TSHZ2: variants seen among roughly 807,000 people sequenced by gnomAD.
TSHZ2 encodes the protein teashirt zinc finger homeobox 2.
In TSHZ2, 21 loss-of-function variants were observed where a neutral mutation model predicts 74.4. The observed-to-expected ratio is 0.28, with a 90% CI of 0.20 to 0.41. The LOEUF is 0.41. TSHZ2 is among the 10% of genes least tolerant of loss of function. The pLI is 1.00. For synonymous variants in TSHZ2, 540 were observed against 515.3 expected, an observed-to-expected ratio of 1.05 and a Z score of -0.65; for missense variants, 1,244 against 1,293.5, an observed-to-expected ratio of 0.96 and a Z score of 0.59.
intron 2 of TSHZ2, among the ~76,000 whole-genome samples, chr20:53,482,372 A>G (rs1184387276): frequency 6.6e-6 from 1 of 152,188 alleles, no homozygotes; most frequent in Non-Finnish European, 1.5e-5. Context: ...AAGGTGAAGC[A>G]ATGTCACATT....
chr20:53,138,390 A>AG (rs1987302867), intron 1 of TSHZ2, among the ~76,000 whole-genome samples: 1 of 147,592 alleles, frequency 6.8e-6, no homozygotes, highest in East Asian at 2.1e-4. Flanking sequence ...GTCTCAAAAA[A>AG]GAAAAAAAAA....
chr20:53,127,841 T>A (rs184240810), intron 1 of TSHZ2, among the ~76,000 whole-genome samples: 2 of 152,272 alleles, frequency 1.3e-5, no homozygotes, highest in East Asian at 1.9e-4. Context: ...GGCAGAGGCA[T>A]GATTTGAACC....
chr20:53,100,552 C>CAG (rs367647251), intron 1 of TSHZ2, among the ~76,000 whole-genome samples: 1 of 151,964 alleles, frequency 6.6e-6, no homozygotes, highest in Non-Finnish European at 1.5e-5. Context: ...TGAAGGTATG[C>CAG]AGAGAGAGAG....
intron 2 of TSHZ2, among the ~76,000 whole-genome samples, chr20:53,469,098 T>C (rs1362432535): frequency 7.3e-6 from 1 of 137,550 alleles, no homozygotes; most frequent in Non-Finnish European, 1.6e-5. Context: ...CATATTCTAA[T>C]TGAATGTTAG....
intron 1 of TSHZ2, among the ~76,000 whole-genome samples, chr20:53,030,180 A>G (rs1983584974): frequency 6.6e-6 from 1 of 152,122 alleles, no homozygotes; most frequent in South Asian, 2.1e-4. Context: ...TACCAGAGCT[A>G]AGATTTGAAC....
At chr20:53,337,871 G>A (rs898391591) in intron 2 of TSHZ2, among the ~76,000 whole-genome samples, 12 of 152,208 alleles carry the variant, frequency 7.9e-5, no homozygotes, top group African/African-American at 2.9e-4. Context: ...GTACGCTAGA[G>A]CAGACATTGG....
chr20:53,378,737 G>T (rs1600592179), intron 2 of TSHZ2, among the ~76,000 whole-genome samples: 1 of 151,974 alleles, frequency 6.6e-6, no homozygotes, highest in South Asian at 2.1e-4. Flanking sequence ...AAAACTTATT[G>T]TAATATGTCT....
intron 1 of TSHZ2, among the ~76,000 whole-genome samples, chr20:52,979,722 C>T (rs1298018915): frequency 6.6e-6 from 1 of 152,076 alleles, no homozygotes; most frequent in Non-Finnish European, 1.5e-5. Flanking sequence ...CTCTGGGCAC[C>T]CTCAAATATT....
At chr20:53,013,069 C>T (rs538888849) in intron 1 of TSHZ2, among the ~76,000 whole-genome samples, 1 of 152,210 alleles carries the variant, frequency 6.6e-6, no homozygotes, top group East Asian at 1.9e-4. Context: ...ATATTTTCTT[C>T]TTGTTTTCTT....
At chr20:52,998,523 C>G (rs1274374773) in intron 1 of TSHZ2, among the ~76,000 whole-genome samples, 1 of 152,148 alleles carries the variant, frequency 6.6e-6, no homozygotes, top group African/African-American at 2.4e-5. Flanking sequence ...CATATATTAG[C>G]CCAAGGGTTA....
At chr20:53,121,630 C>A (rs1445931192) in intron 1 of TSHZ2, among the ~76,000 whole-genome samples, 1 of 152,194 alleles carries the variant, frequency 6.6e-6, no homozygotes, top group East Asian at 1.9e-4. Flanking sequence ...AGCCAAAAAT[C>A]TGGATGTCTT....
chr20:53,188,939 T>C (rs1365578735), intron 1 of TSHZ2, among the ~76,000 whole-genome samples: 2 of 152,186 alleles, frequency 1.3e-5, no homozygotes, highest in African/African-American at 2.4e-5. Context: ...GGAAATATGA[T>C]TATCCCCATT....
At position 53,256,330 on chromosome 20, in the gene TSHZ2, C is replaced by A. The variant is rs61760185; in HGVS notation, c.2872C>A (p.Arg958Ser). The stretch of plus-strand genomic sequence containing the variant: ...GGGTTTCCAAATGAAGGACATGACC[C>A]GCTTGTCAGTGGACCAGCAAAGCAA... ...HLGFQMKDMT[R>S]LSVDQQSKVE... is the part of the protein sequence containing the mutation. The change falls in exon 2 of 3, where the codon CGC becomes AGC. Residue 958 changes from arginine to serine, a missense_variant. Physicochemically the swap from Arg to Ser is moderately radical, Grantham distance 110 (BLOSUM62 -1). Around this residue, in one of 6 missense-constraint regions of TSHZ2, gnomAD observed 185 missense variants for 213.3 expected, o/e 0.87. Coordinates refer to ENST00000371497, the MANE Select transcript of TSHZ2 (RefSeq NM_173485.6). This position sits in a 1 kb window ranked among gnomAD's most constrained non-coding sequence, Gnocchi z 4.3. 2.7e-3 allele frequency: 4,389 copies of A among 1,613,734 alleles called. 10 individuals carry two copies. The highest frequency in any genetic ancestry group is 3.4e-3 in the Non-Finnish European group (4,014 of 1,179,710).
chr20:53,186,104 T>C (rs1341435190), intron 1 of TSHZ2, among the ~76,000 whole-genome samples: 2 of 152,218 alleles, frequency 1.3e-5, no homozygotes, highest in Admixed American at 1.3e-4. Flanking sequence ...TCTTATTAAC[T>C]TGATTCATAT....
At chr20:53,129,261 C>T (rs1987034008) in intron 1 of TSHZ2, among the ~76,000 whole-genome samples, 1 of 152,074 alleles carries the variant, frequency 6.6e-6, no homozygotes, top group Non-Finnish European at 1.5e-5. Context: ...CAAAGCTCTA[C>T]TCTTTATTAT....
chr20:53,306,224 C>G (rs991310899), intron 2 of TSHZ2, among the ~76,000 whole-genome samples: 1 of 152,152 alleles, frequency 6.6e-6, no homozygotes. Context: ...AGAGCCACCA[C>G]CCAGCTCATC....
intron 2 of TSHZ2, among the ~76,000 whole-genome samples, chr20:53,280,055 T>A (rs942110188): frequency 1.3e-5 from 2 of 152,168 alleles, no homozygotes; most frequent in African/African-American, 4.8e-5. Flanking sequence ...TCTGAATACA[T>A]TGAGAGGCTT....
At chr20:53,394,612 T>G (rs1568898441) in intron 2 of TSHZ2, among the ~76,000 whole-genome samples, 1 of 152,042 alleles carries the variant, frequency 6.6e-6, no homozygotes, top group Non-Finnish European at 1.5e-5. Context: ...AGCCTGCCTT[T>G]TCCCACTTGC....
chr20:53,461,197 C>T lies in TSHZ2; in HGVS notation c.*9-25947C>T, dbSNP rs548115445. 1.0e-3 allele frequency among the ~76,000 whole-genome samples: 154 copies of T among 152,282 alleles called. 2 individuals carry two copies. The East Asian group carries it at 0.026, about 26-fold the overall frequency. Reference sequence around the variant, plus strand: ...GCTGTGCTAGCAATCAGCGAGACTCCATGGGCGTAGGACCCTCCGAGCCAG... The same window carrying T: ...GCTGTGCTAGCAATCAGCGAGACTCTATGGGCGTAGGACCCTCCGAGCCAG... On this transcript the variant is annotated intron_variant, in intron 2 of 2. Coordinates refer to ENST00000371497, the MANE Select transcript of TSHZ2 (RefSeq NM_173485.6).
Sources: gnomAD v4.1 joint callset for allele counts (sites outside exome capture counted in the v4.1 genomes callset) on GRCh38, gnomAD v4.1.1 for gene constraint, gnomAD v4.1.1 regional missense constraint, Gnocchi (gnomAD v3.1) non-coding constraint, MANE v1.5 for transcripts, NCBI Gene and HGNC (gene_info 2026-07-23, HGNC 2026-07-21) for gene names.